The following DIDO1 variants were observed in gnomAD, a reference collection of about 807,000 sequenced individuals.
The protein encoded by DIDO1 is death inducer-obliterator 1.
A neutral mutation model predicts 99.4 loss-of-function variants in DIDO1; 16 were observed. The ratio of observed to expected loss-of-function variants is 0.16; its 90% CI spans 0.11 to 0.24. The LOEUF is 0.24. DIDO1 is among the 10% of genes least tolerant of loss of function. The probability of loss-of-function intolerance (pLI) is 1.00; values close to 1 mark genes in which losing one functional copy is unlikely to be tolerated. For missense variants in DIDO1, 2,996 were observed against 3,014.0 expected (o/e 0.99, Z 0.14); for synonymous variants, 1,366 against 1,239.1 (o/e 1.10, Z -2.15).
chr20:62,890,153 C>T (rs377579238), intron 15 of DIDO1: 2 of 985,730 alleles, frequency 2.0e-6, no homozygotes, highest in African/African-American at 1.7e-5. Context: ...GCCTTTATGA[C>T]GAAGCACTTC....
chr20:62,909,793 A>G lies in DIDO1; in HGVS notation c.1067T>C (p.Ile356Thr), dbSNP rs1274061948. The G allele has an allele frequency of 4.3e-6, 7 of 1,614,206 alleles. No homozygotes were observed. The South Asian group carries it at 5.5e-5, about 13-fold the overall frequency. Residue 356 changes from isoleucine (I) to threonine (T), a missense_variant, in exon 4 of 16, where the codon ATA (isoleucine) becomes ACA (threonine). Around this residue, in one of 5 missense-constraint regions of DIDO1, gnomAD observed 898 missense variants for 972.7 expected, o/e 0.92. Transcript: ENST00000395343. ...TTGGTCTTCGCTAGACTTCTGCTCT[A>G]TTGTTCCTATACTTGTACAATCGGT... ...DGTDCTSIGT[I>T]EQKSSEDQGI...
At chr20:62,932,194 T>G (rs2065338350) in intron 1 of DIDO1, among the ~76,000 whole-genome samples, 1 of 152,218 alleles carries the variant, frequency 6.6e-6, no homozygotes, top group Non-Finnish European at 1.5e-5. Flanking sequence ...AGGAAAGTAT[T>G]TAAAGAGTAA....
chr20:62,890,428 C>G, intron 15 of DIDO1: 1 of 990,448 alleles, frequency 1.0e-6, no homozygotes, highest in African/African-American at 1.7e-5. Flanking sequence ...CGTGCAAACA[C>G]AAAATAGCTT....
intron 6 of DIDO1, chr20:62,905,463 G>C (rs2064780059): frequency 6.5e-7 from 1 of 1,540,464 alleles, no homozygotes; most frequent in African/African-American, 1.4e-5. Flanking sequence ...TGCTGGCCGT[G>C]GACAATGTGG....
chr20:62,914,799 A>C (rs1189123251), intron 1 of DIDO1, among the ~76,000 whole-genome samples: 2 of 152,246 alleles, frequency 1.3e-5, no homozygotes, highest in Non-Finnish European at 2.9e-5. Flanking sequence ...AACAAGAACA[A>C]AAAGTGAAAA....
At chr20:62,888,890 T>C (rs1330047154) in intron 15 of DIDO1, 8 of 985,368 alleles carry the variant, frequency 8.1e-6, no homozygotes, top group Non-Finnish European at 9.6e-6. Flanking sequence ...AACATTATAC[T>C]GAAGTCTTAA....
intron 1 of DIDO1, among the ~76,000 whole-genome samples, chr20:62,922,101 T>C (rs368088907): frequency 1.6e-5 from 2 of 125,752 alleles, no homozygotes; most frequent in Admixed American, 8.0e-5. Flanking sequence ...ATATACACAC[T>C]ATATATATAC....
chr20:62,899,870 T>C (rs1010798099), intron 6 of DIDO1, among the ~76,000 whole-genome samples: 2 of 152,130 alleles, frequency 1.3e-5, no homozygotes, highest in African/African-American at 4.8e-5. Context: ...CACACACCCA[T>C]TCCACTCCAG....
chr20:62,893,099 G>T, intron 12 of DIDO1, 137 bp from the exon 13 acceptor site: 2 of 917,634 alleles, frequency 2.2e-6, no homozygotes, highest in Non-Finnish European at 3.2e-6. Context: ...CAACACAGCT[G>T]GCTGCAGTCT....
chr20:62,916,799 T>C (rs963671237), intron 1 of DIDO1, among the ~76,000 whole-genome samples: 1 of 152,202 alleles, frequency 6.6e-6, no homozygotes, highest in South Asian at 2.1e-4. Context: ...TGTTCACTGA[T>C]ACTACACCAA....
chr20:62,913,309 T>C (rs2064981566), intron 2 of DIDO1, among the ~76,000 whole-genome samples: 1 of 116,460 alleles, frequency 8.6e-6, no homozygotes, highest in Non-Finnish European at 2.1e-5. Context: ...CAGCAGCGAC[T>C]CCAAGTCAGG....
intron 6 of DIDO1, 177 bp downstream of exon 6, chr20:62,905,710 G>A: frequency 6.2e-7 from 1 of 1,609,010 alleles, no homozygotes; most frequent in Non-Finnish European, 8.5e-7. Context: ...ACTAGGGATG[G>A]ACACAGGGCA....
rs1194592851 is a variant in DIDO1 at position 62,905,059 on chromosome 20, T to C, written c.1588+828A>G. 4.0e-6 allele frequency: 4 copies of C among 990,586 alleles called. No individual in the cohort carries two copies. In the African/African-American group the frequency reaches 7.0e-5, roughly 17 times the overall value. 61.4% of individuals were successfully genotyped at this position (990,586 alleles called of 1,614,324 possible). On this transcript the variant is annotated intron_variant, in intron 6 of 15. Transcript: ENST00000395343. Reference sequence around the variant, plus strand: ...ACTGAGAAACAAGAAAACATTAAAATTGCACCACAGAATCTGAGGTTTCAA... The same window carrying C: ...ACTGAGAAACAAGAAAACATTAAAACTGCACCACAGAATCTGAGGTTTCAA...
At chr20:62,910,715 C>T (rs978085299) in intron 3 of DIDO1, 59 bp downstream of exon 3, 1 of 1,551,050 alleles carries the variant, frequency 6.4e-7, no homozygotes, top group South Asian at 1.2e-5. Context: ...AAAATGAAAA[C>T]AAATGGAAAA....
chr20:62,924,958 C>G (rs2065225293), intron 1 of DIDO1, among the ~76,000 whole-genome samples: 1 of 152,216 alleles, frequency 6.6e-6, no homozygotes, highest in African/African-American at 2.4e-5. Context: ...TCTACAAGAA[C>G]AGACATCTCC....
Position 62,894,834 on chromosome 20 carries a change from G to A in DIDO1, c.2412C>T (p.Asp804=), listed in dbSNP as rs2064482149. 6.2e-7 allele frequency: 1 copy of A among 1,614,092 alleles called. No homozygotes were observed. The highest frequency in any genetic ancestry group is 8.5e-7 in the Non-Finnish European group (1 of 1,180,010). The change falls in exon 10 of 16, where the codon GAC becomes GAT. Residue 804 remains aspartate, a synonymous_variant. Transcript: ENST00000395343. This position sits in a 1 kb window ranked among gnomAD's most constrained non-coding sequence, Gnocchi z 4.4. ...CCTCTGAATCCGACACTGGCGGAGA[G>A]TCCTCCAGATCGGGGATGGCCTCCT... The part of the protein sequence containing the change: ...PRQEAIPDLE[D]SPPVSDSEEQ...
In DIDO1 at chr20:62,880,896, C is replaced by G. The variant is rs766033710; in HGVS notation, c.5060G>C (p.Gly1687Ala). The G allele has an allele frequency of 1.9e-6, 3 of 1,611,728 alleles. No individual in the cohort carries two copies. The East Asian group carries it at 6.7e-5, about 36-fold the overall frequency. The change falls in exon 16 of 16, where the codon GGG (glycine) becomes GCG (alanine). Residue 1687 changes from glycine to alanine, a missense_variant. Transcript: ENST00000395343. ...GAGAGCCTTGTCCTGCGACGCGAAC[C>G]CCGGGCAGGTGAAAGGGTCCCTCTC... ...DGERDPFTCP[G>A]FASQDKALGS...
intron 1 of DIDO1, among the ~76,000 whole-genome samples, chr20:62,920,393 G>A (rs966191171): frequency 6.6e-6 from 1 of 152,170 alleles, no homozygotes; most frequent in African/African-American, 2.4e-5. Flanking sequence ...GATTTTCACT[G>A]CTGCAAAGGA....
rs773094302 is a variant in DIDO1, at chr20:62,893,863, G to A, written c.2904C>T (p.Pro968=). Residue 968 remains proline, a synonymous_variant, in exon 12 of 16, where the codon CCC becomes CCT. Coordinates refer to ENST00000395343, the MANE Select transcript of DIDO1 (RefSeq NM_001193369.2). The stretch of plus-strand genomic sequence containing the variant: ...TGCATGAACTGCTTGGAGCGGTCCT[G>A]GGGTCCCGGCCGGACACTGTGACGG... ...VTTVTVSGRD[P]RTAPSSSCTA... 10 of 1,613,414 alleles carry A rather than the reference G, an allele frequency of 6.2e-6. No individual in the cohort carries two copies. The highest frequency in any genetic ancestry group is 7.6e-6 in the Non-Finnish European group (9 of 1,179,628).
Sources: gnomAD v4.1 joint callset for allele counts (sites outside exome capture counted in the v4.1 genomes callset) on GRCh38, gnomAD v4.1.1 for gene constraint, gnomAD v4.1.1 regional missense constraint, Gnocchi (gnomAD v3.1) non-coding constraint, MANE v1.5 for transcripts, NCBI Gene and HGNC (gene_info 2026-07-23, HGNC 2026-07-21) for gene names.